SLC35F1: variants seen among roughly 807,000 people sequenced by gnomAD.
SLC35F1 encodes solute carrier family 35 member F1.
In SLC35F1, 14 loss-of-function variants were observed where a neutral mutation model predicts 48.7. The ratio of observed to expected loss-of-function variants is 0.29; its 90% CI spans 0.19 to 0.45. The LOEUF is 0.45. SLC35F1 is among the 20% of genes least tolerant of loss of function. The pLI is 1.00. For synonymous variants in SLC35F1, 190 were observed against 202.2 expected (o/e 0.94, Z 0.51); for missense variants, 404 against 500.0 (o/e 0.81, Z 1.83).
At chr6:118,123,545 T>C (rs932278159) in intron 1 of SLC35F1, among the ~76,000 whole-genome samples, 17 of 152,202 alleles carry the variant, frequency 1.1e-4, no homozygotes, top group African/African-American at 4.1e-4. Context: ...CTTCTTTCTT[T>C]GCCTTTTGCT....
intron 4 of SLC35F1, 129 bp from the exon 5 acceptor site, chr6:118,275,330 G>A: frequency 2.0e-6 from 2 of 994,558 alleles, no homozygotes; most frequent in South Asian, 3.7e-5. Context: ...ATCTCAGTTG[G>A]AAATTGCATG....
chr6:118,049,876 A>G (rs1772359541), intron 1 of SLC35F1, among the ~76,000 whole-genome samples: 1 of 152,082 alleles, frequency 6.6e-6, no homozygotes, highest in South Asian at 2.1e-4. Flanking sequence ...TATATACCCA[A>G]AGGATTATAA....
intron 1 of SLC35F1, among the ~76,000 whole-genome samples, chr6:117,921,727 T>A (rs1438022697): frequency 1.3e-5 from 2 of 152,214 alleles, no homozygotes; most frequent in Admixed American, 6.5e-5. Context: ...AAAGAGACCC[T>A]AATTATTACT....
chr6:118,276,360 A>G (rs1471155751), intron 5 of SLC35F1, among the ~76,000 whole-genome samples: 2 of 152,212 alleles, frequency 1.3e-5, no homozygotes, highest in Non-Finnish European at 2.9e-5. Context: ...CCTTTCTACA[A>G]ACAGGTAATT....
At chr6:118,236,855 G>A (rs1344787632) in intron 3 of SLC35F1, among the ~76,000 whole-genome samples, 1 of 152,192 alleles carries the variant, frequency 6.6e-6, no homozygotes, top group Non-Finnish European at 1.5e-5. Context: ...TGCCTCATGA[G>A]ACTCCAGAAG....
chr6:118,301,306 A>G (rs1776252847), intron 7 of SLC35F1, among the ~76,000 whole-genome samples: 1 of 152,054 alleles, frequency 6.6e-6, no homozygotes, highest in Non-Finnish European at 1.5e-5. Flanking sequence ...ATAAATGTCA[A>G]CTCTATGTCT....
intron 1 of SLC35F1, among the ~76,000 whole-genome samples, chr6:118,143,847 A>G (rs1340451882): frequency 6.6e-6 from 1 of 152,180 alleles, no homozygotes; most frequent in East Asian, 1.9e-4. Flanking sequence ...CATTTTATAG[A>G]TGAGGAAAAT....
chr6:118,294,936 C>A (rs1258242317), intron 7 of SLC35F1, among the ~76,000 whole-genome samples: 2 of 152,056 alleles, frequency 1.3e-5, no homozygotes, highest in Non-Finnish European at 2.9e-5. Context: ...CATTAGAAAA[C>A]ATTCTGTGTG....
chr6:118,165,731 T>G (rs538152813), intron 2 of SLC35F1, among the ~76,000 whole-genome samples: 31 of 152,222 alleles, frequency 2.0e-4, no homozygotes, highest in African/African-American at 7.5e-4. Flanking sequence ...GAAAAAGAAG[T>G]GTGATTTGGC....
At chr6:118,179,696 T>C (rs894023693) in intron 2 of SLC35F1, among the ~76,000 whole-genome samples, 2 of 152,166 alleles carry the variant, frequency 1.3e-5, no homozygotes, top group Non-Finnish European at 2.9e-5. Context: ...AGTACAGTAC[T>C]CTTGGGATTG....
At chr6:118,242,485 A>G (rs1775453668) in intron 3 of SLC35F1, among the ~76,000 whole-genome samples, 1 of 152,234 alleles carries the variant, frequency 6.6e-6, no homozygotes, top group Non-Finnish European at 1.5e-5. Flanking sequence ...TTAGAAAGTA[A>G]AAAGAGAGGT....
At chr6:118,205,965 G>A (rs1436928311) in intron 2 of SLC35F1, among the ~76,000 whole-genome samples, 1 of 152,094 alleles carries the variant, frequency 6.6e-6, no homozygotes, top group African/African-American at 2.4e-5. Flanking sequence ...TAGAAGAAAG[G>A]TTACCAGGGA....
chr6:118,184,483 C>T (rs1400667504), intron 2 of SLC35F1, among the ~76,000 whole-genome samples: 1 of 152,206 alleles, frequency 6.6e-6, no homozygotes. Context: ...AATGCCCTAA[C>T]TCCACTTTTC....
At chr6:117,923,720 T>TATGTATATATACACATATGTAC (rs1582564724) in intron 1 of SLC35F1, among the ~76,000 whole-genome samples, 1 of 5,876 alleles carries the variant, frequency 1.7e-4, no homozygotes, top group African/African-American at 6.5e-4. Flanking sequence ...CATATATACA[T>TATGTATATATACACATATGTAC]ATATACATAT....
At chr6:118,076,261 T>C (rs931290062) in intron 1 of SLC35F1, among the ~76,000 whole-genome samples, 2 of 152,234 alleles carry the variant, frequency 1.3e-5, no homozygotes, top group African/African-American at 4.8e-5. Flanking sequence ...TTTAAATACT[T>C]AATTTATTAA....
In SLC35F1 at chr6:118,237,158, A is replaced by G. The variant is rs916816059; in HGVS notation, c.477+1522A>G. ...ATTTTTAAGGACCTTGAAAGCAAGA[A>G]CTATGACTTTTTTAAAGTTAATTTA... On this transcript the variant is annotated intron_variant, in intron 3 of 7. Coordinates refer to ENST00000360388, the MANE Select transcript of SLC35F1 (RefSeq NM_001029858.4). Among the ~76,000 whole-genome samples the G allele has an allele frequency of 5.9e-5, 9 of 152,346 alleles. No homozygotes were observed. The South Asian group carries it at 1.2e-3, about 21-fold the overall frequency.
In SLC35F1 at chr6:118,267,078, C is replaced by T. The variant is rs188928224; in HGVS notation, c.561C>T (p.Ile187=). Residue 187 remains isoleucine (I), a synonymous_variant, in exon 4 of 8, where the codon ATC becomes ATT. Coordinates refer to ENST00000360388, the MANE Select transcript of SLC35F1 (RefSeq NM_001029858.4). The stretch of plus-strand genomic sequence containing the variant: ...TCCGGTACAAGGCTGTGCATTTCAT[C>T]GGCATCGTTGTCTGCATCCTGGGAA... The part of the protein sequence containing the change: ...LLIRYKAVHF[I]GIVVCILGMG... The T allele has an allele frequency of 4.2e-5, 67 of 1,614,014 alleles. 1 individual carries two copies. Among genetic ancestry groups the T allele is most frequent in the South Asian group, 1.1e-4 (10 of 91,072 alleles).
rs1227808098 is a variant in SLC35F1, at chr6:117,965,575, A to G, written c.173+57676A>G. Among the ~76,000 whole-genome samples, 5 of 152,190 alleles carry G rather than the reference A, an allele frequency of 3.3e-5. No homozygotes were observed. The East Asian group carries it at 9.6e-4, about 29-fold the overall frequency. ...TCCCTCCCCAAAAGGATTCTGGACC[A>G]TGAGGTTGATTCCCTCACAGAGCTG... On this transcript the variant is annotated intron_variant, in intron 1 of 7. Transcript: ENST00000360388.
In SLC35F1 at chr6:118,104,969, AC is replaced by A. The variant is rs1225049757; in HGVS notation, c.174-49475del. ...CTGCACCCTCCAGAGCTGCTCCTTC[AC>A]TCCTGTCTTTTCACAGCTTGTTCTT... On this transcript the variant is annotated intron_variant, in intron 1 of 7. Coordinates refer to ENST00000360388, the MANE Select transcript of SLC35F1 (RefSeq NM_001029858.4). Among the ~76,000 whole-genome samples the A allele has an allele frequency of 5.3e-5, 8 of 151,692 alleles. No individual in the cohort carries two copies. The East Asian group carries it at 1.6e-3, about 29-fold the overall frequency.
Sources: allele counts gnomAD v4.1 joint callset (sites outside exome capture counted in the v4.1 genomes callset), GRCh38; gene constraint gnomAD v4.1.1; transcripts MANE v1.5; gene names NCBI Gene and HGNC (gene_info 2026-07-23, HGNC 2026-07-21).